CXCL13: variants seen among roughly 807,000 people sequenced by gnomAD.
CXCL13 encodes the protein C-X-C motif chemokine ligand 13, also known as C-X-C motif chemokine 13.
Under a neutral mutation model 12.2 loss-of-function variants are expected in CXCL13, and 7 were observed. The observed-to-expected ratio is 0.57, with a 90% CI of 0.33 to 1.07. The LOEUF is 1.07. Ranked by LOEUF, CXCL13 falls within the 50% of genes least tolerant of loss-of-function variation. CXCL13 has a pLI of 0.04. For missense variants in CXCL13, 113 were observed against 127.4 expected, an observed-to-expected ratio of 0.89 and a Z score of 0.55; for synonymous variants, 47 against 42.4, an observed-to-expected ratio of 1.11 and a Z score of -0.42.
intron 1 of CXCL13, among the ~76,000 whole-genome samples, chr4:77,548,662 C>G (rs767095820): frequency 1.3e-5 from 2 of 152,166 alleles, no homozygotes; most frequent in Non-Finnish European, 2.9e-5. Flanking sequence ...GAATATTGGC[C>G]CCCATTCTCT....
At chr4:77,553,183 A>G (rs866656803) in intron 1 of CXCL13, among the ~76,000 whole-genome samples, 1 of 152,214 alleles carries the variant, frequency 6.6e-6, no homozygotes, top group East Asian at 1.9e-4. Context: ...GAGAGAAACT[A>G]TAGCTGTAGC....
At chr4:77,580,219 A>G (rs1726286689) in intron 1 of CXCL13, among the ~76,000 whole-genome samples, 1 of 151,182 alleles carries the variant, frequency 6.6e-6, no homozygotes, top group African/African-American at 2.4e-5. Flanking sequence ...ATGTAACAAA[A>G]TTTCACTTTT....
upstream of CXCL13, among the ~76,000 whole-genome samples, chr4:77,603,623 G>A (rs1726938328): frequency 6.6e-6 from 1 of 152,166 alleles, no homozygotes; most frequent in African/African-American, 2.4e-5. Flanking sequence ...AAAGAAATAG[G>A]AGTATTTACT....
chr4:77,519,465 C>T (rs1179507838), intron 1 of CXCL13, among the ~76,000 whole-genome samples: 1 of 152,128 alleles, frequency 6.6e-6, no homozygotes, highest in Non-Finnish European at 1.5e-5. Context: ...TCTCTGATGA[C>T]CAGTGATGAT....
chr4:77,556,587 A>G (rs1725665005), intron 1 of CXCL13, among the ~76,000 whole-genome samples: 1 of 152,226 alleles, frequency 6.6e-6, no homozygotes, highest in Non-Finnish European at 1.5e-5. Flanking sequence ...TACACATTGT[A>G]TGTATATTAA....
intron 1 of CXCL13, among the ~76,000 whole-genome samples, chr4:77,588,123 C>T (rs1370779837): frequency 1.4e-5 from 2 of 138,186 alleles, no homozygotes; most frequent in Non-Finnish European, 3.0e-5. Context: ...CTTTTCTGAC[C>T]CTACAAAGGA....
Position 77,580,013 on chromosome 4 carries a change from T to A in CXCL13, c.-42-25811T>A, listed in dbSNP as rs557321227. Among the ~76,000 whole-genome samples the A allele has an allele frequency of 7.2e-5, 11 of 152,216 alleles. No homozygotes were observed. The East Asian group carries it at 2.1e-3, about 29-fold the overall frequency. ...ATCAGACCTTGGCTGTGTAAACCAC[T>A]GATATAGCCAAACTGTACAAACCAG... On this transcript the variant is annotated intron_variant, in intron 1 of 4. Transcript: ENST00000286758.
At chr4:77,512,180 C>G (rs536408213) in intron 1 of CXCL13, among the ~76,000 whole-genome samples, 1 of 152,188 alleles carries the variant, frequency 6.6e-6, no homozygotes, top group Admixed American at 6.5e-5. Context: ...AATTAGCCTG[C>G]TTGCTGCCTC....
At chr4:77,536,658 A>G (rs150143152) in intron 1 of CXCL13, among the ~76,000 whole-genome samples, 74 of 152,342 alleles carry the variant, frequency 4.9e-4, no homozygotes, top group Admixed American at 2.1e-3. Flanking sequence ...ATTAGCCATT[A>G]TTATAACACC....
intron 1 of CXCL13, among the ~76,000 whole-genome samples, chr4:77,536,441 A>G (rs1403249965): frequency 6.6e-6 from 1 of 152,218 alleles, no homozygotes; most frequent in Non-Finnish European, 1.5e-5. Context: ...TTCTGGAGCC[A>G]GTCTGCCTGG....
chr4:77,538,312 T>G (rs538362579), intron 1 of CXCL13, among the ~76,000 whole-genome samples: 111 of 150,108 alleles, frequency 7.4e-4, no homozygotes, highest in Non-Finnish European at 1.1e-3. Context: ...AGAGTTGTGG[T>G]TTTTTTTTGT....
chr4:77,554,049 G>T (rs913122672), intron 1 of CXCL13, among the ~76,000 whole-genome samples: 3 of 151,916 alleles, frequency 2.0e-5, no homozygotes, highest in Non-Finnish European at 4.4e-5. Flanking sequence ...TTATAATATC[G>T]TGTTGTATAC....
intron 1 of CXCL13, among the ~76,000 whole-genome samples, chr4:77,533,949 A>T (rs766694257): frequency 1.3e-5 from 2 of 152,208 alleles, no homozygotes; most frequent in African/African-American, 2.4e-5. Flanking sequence ...TTCTTTGATT[A>T]GGAAAGGGAA....
At chr4:77,559,921 C>G (rs1380479864) in intron 1 of CXCL13, among the ~76,000 whole-genome samples, 5 of 77,136 alleles carry the variant, frequency 6.5e-5, no homozygotes, top group Admixed American at 1.5e-4. Context: ...GACTCCATCA[C>G]AAAAAAAAAA....
chr4:77,514,708 C>A (rs1724372295), intron 1 of CXCL13, among the ~76,000 whole-genome samples: 1 of 151,630 alleles, frequency 6.6e-6, no homozygotes, highest in South Asian at 2.1e-4. Context: ...GGATATTAGC[C>A]CTTTGTCAGA....
rs1046755454 is a variant in CXCL13 at position 77,569,061 on chromosome 4, A to G, written c.-42-36763A>G. 2.0e-5 allele frequency among the ~76,000 whole-genome samples: 3 copies of G among 152,180 alleles called. No individual in the cohort carries two copies. The East Asian group carries it at 5.8e-4, about 29-fold the overall frequency. ...TTGTCACTAAGGTGCCTTTTAAGCAATTGGAGCAAATTCAAATGAGAAACA... is the reference window on the plus strand; with the variant it reads ...TTGTCACTAAGGTGCCTTTTAAGCAGTTGGAGCAAATTCAAATGAGAAACA... On this transcript the variant is annotated intron_variant, in intron 1 of 4. Coordinates refer to the CXCL13 transcript ENST00000286758.
chr4:77,556,943 G>A (rs2109810232), intron 1 of CXCL13, among the ~76,000 whole-genome samples: 1 of 152,236 alleles, frequency 6.6e-6, no homozygotes, highest in East Asian at 1.9e-4. Flanking sequence ...CTTAAGCCCA[G>A]GAGTTCGAGG....
At chr4:77,566,564 T>C (rs1224247999) in intron 1 of CXCL13, among the ~76,000 whole-genome samples, 1 of 150,036 alleles carries the variant, frequency 6.7e-6, no homozygotes, top group Non-Finnish European at 1.5e-5. Flanking sequence ...TGTTTTAAAT[T>C]TAAAAAAAAA....
At chr4:77,569,709 T>C (rs895764150) in intron 1 of CXCL13, among the ~76,000 whole-genome samples, 9 of 152,220 alleles carry the variant, frequency 5.9e-5, no homozygotes, top group Non-Finnish European at 1.2e-4. Flanking sequence ...CCCAAAGCAA[T>C]TGATAGATTC....
Sources: allele counts gnomAD v4.1 joint callset (sites outside exome capture counted in the v4.1 genomes callset), GRCh38; gene constraint gnomAD v4.1.1; transcripts MANE v1.5; gene names NCBI Gene and HGNC (gene_info 2026-07-23, HGNC 2026-07-21).